Variants in TMTC2 observed in about 807,000 individuals in gnomAD.
TMTC2 encodes transmembrane O-mannosyltransferase targeting cadherins 2.
TMTC2 carries 43 observed loss-of-function variants against 82.4 expected under a neutral mutation model. That is an observed-to-expected ratio of 0.52 (90% CI 0.41 to 0.67). TMTC2 has a LOEUF of 0.67. Among genes scored for constraint, TMTC2 ranks in the 30% least tolerant of loss-of-function variants. TMTC2 has a pLI of 0.00. For synonymous variants in TMTC2, 408 were observed against 381.9 expected (o/e 1.07, Z -0.80); for missense variants, 919 against 1,012.4 (o/e 0.91, Z 1.25).
At chr12:82,942,507 A>G (rs1273110942) in intron 4 of TMTC2, among the ~76,000 whole-genome samples, 1 of 152,218 alleles carries the variant, frequency 6.6e-6, no homozygotes, top group Non-Finnish European at 1.5e-5. Flanking sequence ...ACATAAGAAT[A>G]TAAATAGCCT....
At chr12:83,126,762 G>A (rs1885109752) in intron 11 of TMTC2, among the ~76,000 whole-genome samples, 1 of 151,972 alleles carries the variant, frequency 6.6e-6, no homozygotes, top group African/African-American at 2.4e-5. Context: ...AAGGAGGAGA[G>A]TGATGTTGAA....
intron 1 of TMTC2, among the ~76,000 whole-genome samples, chr12:82,820,898 G>A (rs547537651): frequency 1.3e-5 from 2 of 152,236 alleles, no homozygotes; most frequent in South Asian, 4.1e-4. Context: ...ATTTTTTACA[G>A]GCAAGGTCTC....
At chr12:83,001,016 A>G (rs1879895591) in intron 8 of TMTC2, among the ~76,000 whole-genome samples, 1 of 152,136 alleles carries the variant, frequency 6.6e-6, no homozygotes. Flanking sequence ...CCTAGGCTGT[A>G]CACAGCACAG....
intron 1 of TMTC2, among the ~76,000 whole-genome samples, chr12:82,725,190 G>T (rs1212413764): frequency 2.6e-5 from 4 of 151,672 alleles, no homozygotes; most frequent in African/African-American, 9.7e-5. Flanking sequence ...AAGACATCCA[G>T]ATATCCAGGT....
intron 11 of TMTC2, among the ~76,000 whole-genome samples, chr12:83,121,203 A>AT (rs1565895958): frequency 2.6e-5 from 4 of 151,984 alleles, no homozygotes; most frequent in East Asian, 1.9e-4. Context: ...AACTAGTGTG[A>AT]TTTTTTGGGG....
chr12:83,038,140 G>A (rs1470526731), intron 9 of TMTC2, among the ~76,000 whole-genome samples: 1 of 120,906 alleles, frequency 8.3e-6, no homozygotes, highest in Non-Finnish European at 1.7e-5. Context: ...CCTGCTGTGG[G>A]GTGGGGGGAG....
At chr12:82,867,989 C>G (rs1871954536) in intron 2 of TMTC2, among the ~76,000 whole-genome samples, 1 of 152,180 alleles carries the variant, frequency 6.6e-6, no homozygotes, top group Non-Finnish European at 1.5e-5. Context: ...TAAATAGAAA[C>G]TCGGTCATTT....
chr12:82,770,659 T>C (rs1877243058), intron 1 of TMTC2, among the ~76,000 whole-genome samples: 1 of 152,184 alleles, frequency 6.6e-6, no homozygotes, highest in Admixed American at 6.5e-5. Flanking sequence ...CTCTACTTTA[T>C]TTTATTGTTT....
chr12:82,785,005 A>T (rs1420510963), intron 1 of TMTC2, among the ~76,000 whole-genome samples: 1 of 152,098 alleles, frequency 6.6e-6, no homozygotes, highest in African/African-American at 2.4e-5. Flanking sequence ...GAATAATAAG[A>T]GTGAACAACT....
intron 11 of TMTC2, among the ~76,000 whole-genome samples, chr12:83,096,024 C>T (rs1449367385): frequency 2.0e-5 from 3 of 152,154 alleles, no homozygotes; most frequent in Non-Finnish European, 4.4e-5. Flanking sequence ...AAAAGATTTA[C>T]CCTTTTGAAC....
chr12:82,866,037 G>A (rs2733621), intron 2 of TMTC2, among the ~76,000 whole-genome samples: 28 of 151,924 alleles, frequency 1.8e-4, no homozygotes, highest in African/African-American at 5.3e-4. Flanking sequence ...TTTATAGCAC[G>A]AAATGCCCTC....
At chr12:83,010,802 T>C (rs1008241505) in intron 8 of TMTC2, among the ~76,000 whole-genome samples, 1 of 149,616 alleles carries the variant, frequency 6.7e-6, no homozygotes, top group East Asian at 2.0e-4. Flanking sequence ...GTGTATTGTA[T>C]GTAGTAAACG....
chr12:82,954,083 T>C (rs1413955836), intron 4 of TMTC2, among the ~76,000 whole-genome samples: 2 of 151,774 alleles, frequency 1.3e-5, no homozygotes, highest in South Asian at 2.1e-4. Flanking sequence ...AATATAGTCC[T>C]AATTTTCATT....
intron 3 of TMTC2, among the ~76,000 whole-genome samples, chr12:82,915,078 G>A (rs1874927395): frequency 1.3e-5 from 2 of 152,190 alleles, no homozygotes; most frequent in Middle Eastern, 6.8e-3. Context: ...GCCCACCTCA[G>A]CCTCCCAAAG....
intron 1 of TMTC2, among the ~76,000 whole-genome samples, chr12:82,753,995 A>G (rs542822502): frequency 1.5e-4 from 23 of 152,300 alleles, no homozygotes; most frequent in African/African-American, 5.1e-4. Flanking sequence ...CAACAGTTAA[A>G]TCTGTGAAGG....
At chr12:82,802,244 C>T (rs12229171) in intron 1 of TMTC2, among the ~76,000 whole-genome samples, 8 of 152,254 alleles carry the variant, frequency 5.3e-5, no homozygotes, top group East Asian at 3.9e-4. Context: ...CTGCTGGGGG[C>T]GGCAGGGCCC....
intron 8 of TMTC2, among the ~76,000 whole-genome samples, chr12:83,027,584 C>T (rs957276295): frequency 1.3e-5 from 2 of 152,176 alleles, no homozygotes; most frequent in Non-Finnish European, 2.9e-5. Context: ...CGACTGACCA[C>T]ATTAAGTGAC....
At chr12:82,877,647 A>C (rs1422810383) in intron 2 of TMTC2, among the ~76,000 whole-genome samples, 1 of 152,064 alleles carries the variant, frequency 6.6e-6, no homozygotes, top group Admixed American at 6.6e-5. Flanking sequence ...ATAACACTAT[A>C]TTCTTCTCCT....
chr12:82,962,968 G>A (rs1878008566), intron 4 of TMTC2, among the ~76,000 whole-genome samples: 1 of 152,026 alleles, frequency 6.6e-6, no homozygotes, highest in African/African-American at 2.4e-5. Context: ...AGAGTTTCAG[G>A]AAGGAAGGTG....
Sources: gnomAD v4.1 joint callset for allele counts (sites outside exome capture counted in the v4.1 genomes callset) on GRCh38, gnomAD v4.1.1 for gene constraint, MANE v1.5 for transcripts, NCBI Gene and HGNC (gene_info 2026-07-23, HGNC 2026-07-21) for gene names.